The following FRAS1 variants were observed in gnomAD, a reference collection of about 807,000 sequenced individuals.
FRAS1 encodes the protein extracellular matrix organizing protein FRAS1.
In FRAS1, 290 loss-of-function variants were observed where a neutral mutation model predicts 435.2. The ratio of observed to expected loss-of-function variants is 0.67; its 90% confidence interval spans 0.61 to 0.73. FRAS1 has a LOEUF of 0.73. Among genes scored for constraint, FRAS1 ranks in the 30% least tolerant of loss-of-function variants. FRAS1 has a pLI of 0.00. For missense variants in FRAS1, 4,860 were observed against 5,001.5 expected (o/e 0.97, Z 0.85); for synonymous variants, 1,800 against 1,851.0 (o/e 0.97, Z 0.71).
chr4:78,199,127 C>T (rs996779157), intron 2 of FRAS1, among the ~76,000 whole-genome samples: 1 of 152,074 alleles, frequency 6.6e-6, no homozygotes, highest in Admixed American at 6.6e-5. Context: ...TTTTATGTTC[C>T]CCACCTCCTG....
chr4:78,187,888 C>T (rs138476799), intron 2 of FRAS1, among the ~76,000 whole-genome samples: 1 of 152,182 alleles, frequency 6.6e-6, no homozygotes, highest in Non-Finnish European at 1.5e-5. Context: ...CAGGCATGAG[C>T]CACCACGCCT....
chr4:78,407,486 G>C (rs1733146558), intron 30 of FRAS1, among the ~76,000 whole-genome samples, 177 bp from the exon 31 acceptor site: 1 of 152,084 alleles, frequency 6.6e-6, no homozygotes, highest in African/African-American at 2.4e-5. Flanking sequence ...GTTTCTAAAG[G>C]TGGATTCAAT....
chr4:78,381,063 C>A (rs543071378), intron 27 of FRAS1, among the ~76,000 whole-genome samples: 1 of 152,260 alleles, frequency 6.6e-6, no homozygotes, highest in South Asian at 2.1e-4. Context: ...CAAGACCTCT[C>A]AACATGTGTG....
chr4:78,490,049 A>AGATCAGG (rs1720303406), intron 59 of FRAS1, among the ~76,000 whole-genome samples: 1 of 149,768 alleles, frequency 6.7e-6, no homozygotes, highest in Non-Finnish European at 1.5e-5. Flanking sequence ...CAAAGATCAG[A>AGATCAGG]GAAGACAAAG....
intron 2 of FRAS1, among the ~76,000 whole-genome samples, chr4:78,141,785 G>A (rs1001221349): frequency 2.0e-5 from 3 of 152,134 alleles, no homozygotes; most frequent in Non-Finnish European, 2.9e-5. Flanking sequence ...ATATATACAC[G>A]ATGGAATACT....
intron 2 of FRAS1, among the ~76,000 whole-genome samples, chr4:78,212,219 AT>A (rs1723543578): frequency 6.6e-6 from 1 of 152,164 alleles, no homozygotes; most frequent in African/African-American, 2.4e-5. Flanking sequence ...ACCTTTGCAA[AT>A]TCTTGTTTGT....
chr4:78,267,342 G>A lies in FRAS1; in HGVS notation c.891G>A (p.Met297Ile). The change falls in exon 9 of 74, where the codon ATG (methionine) becomes ATA (isoleucine). Residue 297 changes from methionine to isoleucine, a missense_variant. By Grantham distance (10) the Met-to-Ile change is conservative (BLOSUM62 1). Transcript: ENST00000512123. The stretch of plus-strand genomic sequence containing the variant: ...GAGTTGTGCGGTACCAGGACGAAAT[G>A]TGGAAGGGCTCGGCCTGTGAGTTCT... ...YDGVVRYQDE[M>I]WKGSACEFCM... 1.9e-6 allele frequency: 3 copies of A among 1,613,886 alleles called. No homozygotes were observed. Among genetic ancestry groups the A allele is most frequent in the Non-Finnish European group, 2.5e-6 (3 of 1,179,872 alleles).
chr4:78,537,712 G>A (rs1234714230), intron 72 of FRAS1, among the ~76,000 whole-genome samples: 1 of 152,152 alleles, frequency 6.6e-6, no homozygotes, highest in Non-Finnish European at 1.5e-5. Flanking sequence ...GGACACTGAG[G>A]TGGGAGAATC....
chr4:78,398,680 A>G (rs546303173), intron 29 of FRAS1, among the ~76,000 whole-genome samples: 8 of 152,276 alleles, frequency 5.3e-5, no homozygotes, highest in African/African-American at 1.9e-4. Context: ...TATTAGAAAG[A>G]TTTCTAACAG....
intron 4 of FRAS1, among the ~76,000 whole-genome samples, chr4:78,250,146 C>CA (rs1168887671): frequency 1.3e-5 from 2 of 151,672 alleles, no homozygotes; most frequent in Non-Finnish European, 2.9e-5. Context: ...TTTCTGATGA[C>CA]AAAAAATATT....
chr4:78,170,688 A>T (rs1170617771), intron 2 of FRAS1, among the ~76,000 whole-genome samples: 1 of 152,092 alleles, frequency 6.6e-6, no homozygotes, highest in Non-Finnish European at 1.5e-5. Context: ...GAACACTCTC[A>T]TTGTCGTTTT....
chr4:78,222,163 C>G (rs553938609), intron 2 of FRAS1, among the ~76,000 whole-genome samples: 4 of 152,192 alleles, frequency 2.6e-5, no homozygotes, highest in African/African-American at 9.6e-5. Context: ...GGAAGAGTTA[C>G]GGAGTTATCA....
Position 78,058,101 on chromosome 4 carries a change from C to CGT in FRAS1, c.76+17_76+18insTG. ...CATTCCGAAGGTGAGAGAGCGGTGC[C>CGT]GCGTGTGTGTGTGTGTGTGCGTGTG... On this transcript the variant is annotated intron_variant, in intron 1 of 73. Coordinates refer to ENST00000512123, the MANE Select transcript of FRAS1 (RefSeq NM_025074.7). 6.4e-7 allele frequency: 1 copy of CGT among 1,553,890 alleles called. No individual in the cohort carries two copies. The highest frequency in any genetic ancestry group is 8.8e-7 in the Non-Finnish European group (1 of 1,141,354).
intron 2 of FRAS1, among the ~76,000 whole-genome samples, chr4:78,171,482 C>G (rs142413589): frequency 2.3e-4 from 35 of 152,258 alleles, no homozygotes; most frequent in African/African-American, 7.9e-4. Context: ...CTTCAACTTG[C>G]TCTTTTTCAT....
intron 2 of FRAS1, among the ~76,000 whole-genome samples, chr4:78,127,447 C>T (rs1358679371): frequency 6.6e-6 from 1 of 152,144 alleles, no homozygotes; most frequent in South Asian, 2.1e-4. Context: ...GCCTGGATAA[C>T]AGATTGGATG....
chr4:78,312,049 T>G (rs1331324966), intron 15 of FRAS1, among the ~76,000 whole-genome samples: 2 of 151,954 alleles, frequency 1.3e-5, no homozygotes, highest in Non-Finnish European at 2.9e-5. Context: ...CTTTGATTCA[T>G]TATTTTTTGC....
Position 78,265,039 on chromosome 4 carries a change from C to G in FRAS1, c.618C>G (p.Val206=). The change falls in exon 7 of 74, where the codon GTC becomes GTG. Residue 206 remains valine, a synonymous_variant. Transcript: ENST00000512123. ...TGCGTGTTAAGGATGAGACTGTAGTCCGAGTCCCTGGAAAATGTTGCCCGC... is the reference window on the plus strand; with the variant it reads ...TGCGTGTTAAGGATGAGACTGTAGTGCGAGTCCCTGGAAAATGTTGCCCGC... ...PLFCNQDETV[V]RVPGKCCPQC... 3 of 1,609,674 alleles carry G rather than the reference C, an allele frequency of 1.9e-6. No homozygotes were observed. The South Asian group carries it at 3.3e-5, about 18-fold the overall frequency.
At position 78,122,961 on chromosome 4, in the gene FRAS1, G is replaced by A. The variant is rs796892988; in HGVS notation, c.108+56945G>A. On this transcript the variant is annotated intron_variant, in intron 2 of 73. Coordinates refer to ENST00000512123, the MANE Select transcript of FRAS1 (RefSeq NM_025074.7). ...CTCTGATGGTAGTTTCTTTTGCTGC[G>A]AAGAAGCTCTTTAGTTTAATTAGAT... Among the ~76,000 whole-genome samples, 78 of 152,126 alleles carry A rather than the reference G, an allele frequency of 5.1e-4. 2 individuals carry two copies. Among genetic ancestry groups the A allele is most frequent in the African/African-American group, 1.5e-3 (61 of 41,532 alleles).
chr4:78,338,789 T>G (rs758674951), intron 20 of FRAS1, among the ~76,000 whole-genome samples: 1 of 152,160 alleles, frequency 6.6e-6, no homozygotes, highest in Non-Finnish European at 1.5e-5. Context: ...CTGTTCGGTC[T>G]GGTGGATTGA....
Sources: allele counts gnomAD v4.1 joint callset (sites outside exome capture counted in the v4.1 genomes callset), GRCh38; gene constraint gnomAD v4.1.1; transcripts MANE v1.5; gene names NCBI Gene and HGNC (gene_info 2026-07-23, HGNC 2026-07-21).